The following NPFFR2 variants were observed in gnomAD, a reference collection of about 807,000 sequenced individuals.
NPFFR2 encodes the protein G-protein coupled receptor 74.
NPFFR2 carries 15 observed loss-of-function variants against 13.1 expected under a neutral mutation model. The ratio of observed to expected loss-of-function variants is 1.15; its 90% CI spans 0.77 to 1.76. The LOEUF is 1.76. NPFFR2 is among the 40% of genes most tolerant of loss of function. The pLI, the probability that NPFFR2 is intolerant of heterozygous loss-of-function variation, is 0.00. For synonymous variants in NPFFR2, 190 were observed against 175.7 expected (o/e 1.08, Z -0.65); for missense variants, 572 against 503.5 (o/e 1.14, Z -1.30).
At chr4:72,146,246 G>T (rs1272495417) in intron 3 of NPFFR2, among the ~76,000 whole-genome samples, 2 of 152,078 alleles carry the variant, frequency 1.3e-5, no homozygotes, top group South Asian at 4.1e-4. Context: ...AGCTAAACTG[G>T]GGCTGGAACA....
intron 1 of NPFFR2, among the ~76,000 whole-genome samples, chr4:72,066,833 GTAC>G (rs1479066253): frequency 6.6e-6 from 1 of 152,160 alleles, no homozygotes; most frequent in Non-Finnish European, 1.5e-5. Context: ...TTTACTGAGT[GTAC>G]CCCAAGCAGC....
chr4:72,077,011 ATCTTAT>A (rs922231099), intron 1 of NPFFR2, among the ~76,000 whole-genome samples: 2 of 152,142 alleles, frequency 1.3e-5, no homozygotes, highest in Admixed American at 6.6e-5. Context: ...AATTAATTTT[ATCTTAT>A]TCTTATTTTC....
intron 1 of NPFFR2, among the ~76,000 whole-genome samples, chr4:72,097,248 A>C (rs1003108305): frequency 4.6e-5 from 7 of 152,124 alleles, no homozygotes; most frequent in Non-Finnish European, 1.0e-4. Context: ...TTTTGTGGCT[A>C]TAATATATTA....
intron 1 of NPFFR2, among the ~76,000 whole-genome samples, chr4:72,123,837 C>G (rs1721962310): frequency 6.6e-6 from 1 of 152,114 alleles, no homozygotes; most frequent in Admixed American, 6.5e-5. Flanking sequence ...GGAAGCATTG[C>G]CTTTGAAAAC....
intron 1 of NPFFR2, among the ~76,000 whole-genome samples, chr4:72,077,237 AC>A (rs1223677057): frequency 6.6e-6 from 1 of 152,032 alleles, no homozygotes; most frequent in Non-Finnish European, 1.5e-5. Flanking sequence ...TGTACATTAC[AC>A]TGGATATATT....
At chr4:72,128,996 T>A in intron 2 of NPFFR2, 77 bp downstream of exon 2, 1 of 1,089,084 alleles carries the variant, frequency 9.2e-7, no homozygotes, top group Non-Finnish European at 1.3e-6. Context: ...GCAGGGCTGT[T>A]CATTCATTCA....
chr4:72,144,204 C>T (rs1450827691), intron 3 of NPFFR2, among the ~76,000 whole-genome samples: 1 of 151,718 alleles, frequency 6.6e-6, no homozygotes, highest in Non-Finnish European at 1.5e-5. Context: ...ATGTGGGGGC[C>T]TAAGAGAGCT....
At position 72,147,767 on chromosome 4, in the gene NPFFR2, A is replaced by C. The variant is rs968319226; in HGVS notation, c.1218A>C (p.Leu406Phe). Residue 406 changes from leucine to phenylalanine, a missense_variant, in exon 4 of 4, where the codon TTA (leucine) becomes TTC (phenylalanine). Transcript: ENST00000308744. ...GTGCTGAAAAACCCCAACAGGAATTAGTGATGGAAGAATTAAAAGAAACTA... is the reference window on the plus strand; with the variant it reads ...GTGCTGAAAAACCCCAACAGGAATTCGTGATGGAAGAATTAAAAGAAACTA... ...RKSAEKPQQE[L>F]VMEELKETTN... 13 of 1,587,326 alleles carry C rather than the reference A, an allele frequency of 8.2e-6. No homozygotes were observed. Among genetic ancestry groups the C allele is most frequent in the Non-Finnish European group, 1.1e-5 (13 of 1,173,328 alleles).
Position 72,128,819 on chromosome 4 carries a change from GCACA to G in NPFFR2, c.231_234del (p.His77GlnfsTer8), listed in dbSNP as rs1560420141. The G allele has an allele frequency of 6.2e-7, 1 of 1,614,008 alleles. No homozygotes were observed. Among genetic ancestry groups the G allele is most frequent in the East Asian group, 2.2e-5 (1 of 44,864 alleles). ...TTATTGTAATGAGGAACAAACATATGCACACAGTCACTAATCTCTTCATCTTAAA... is the reference window on the plus strand; with the variant it reads ...TTATTGTAATGAGGAACAAACATATGCAGTCACTAATCTCTTCATCTTAAA... On this transcript the variant is annotated frameshift_variant, in exon 2 of 4. Transcript: ENST00000308744. LOFTEE classifies it high-confidence loss of function.
chr4:72,095,100 T>A (rs1254534048), intron 1 of NPFFR2, among the ~76,000 whole-genome samples: 1 of 152,052 alleles, frequency 6.6e-6, no homozygotes, highest in Non-Finnish European at 1.5e-5. Flanking sequence ...CGTTAATGAA[T>A]TTTTTTTGAA....
chr4:72,081,841 T>G (rs563858516), intron 1 of NPFFR2, among the ~76,000 whole-genome samples: 1 of 152,308 alleles, frequency 6.6e-6, no homozygotes, highest in African/African-American at 2.4e-5. Flanking sequence ...TAAAAAGTTT[T>G]ACAGAGGTTT....
At chr4:72,100,929 G>A (rs1280582682) in intron 1 of NPFFR2, among the ~76,000 whole-genome samples, 1 of 151,936 alleles carries the variant, frequency 6.6e-6, no homozygotes, top group Non-Finnish European at 1.5e-5. Flanking sequence ...GGTATAGGAA[G>A]TATCTTTCTA....
chr4:72,054,710 T>C (rs1001785425), intron 1 of NPFFR2, among the ~76,000 whole-genome samples: 2 of 151,760 alleles, frequency 1.3e-5, no homozygotes, highest in African/African-American at 4.8e-5. Flanking sequence ...AACCACAGAA[T>C]GGGAGAAAAT....
At chr4:72,084,630 G>C (rs1347161055) in intron 1 of NPFFR2, among the ~76,000 whole-genome samples, 1 of 152,122 alleles carries the variant, frequency 6.6e-6, no homozygotes, top group African/African-American at 2.4e-5. Context: ...TTCAGCAACA[G>C]CTGTGGTGAA....
chr4:72,103,616 G>A (rs1428251081), intron 1 of NPFFR2, among the ~76,000 whole-genome samples: 1 of 151,928 alleles, frequency 6.6e-6, no homozygotes. Context: ...GTCCAATATT[G>A]CTAATTTAAA....
At chr4:72,135,498 T>G (rs1722381249) in intron 2 of NPFFR2, among the ~76,000 whole-genome samples, 1 of 152,114 alleles carries the variant, frequency 6.6e-6, no homozygotes, top group Non-Finnish European at 1.5e-5. Context: ...AACTTTATGT[T>G]GAACTCCTCA....
chr4:72,136,923 CT>C lies in NPFFR2; in HGVS notation c.329-1116del, dbSNP rs575176385. ...GCACTTTAATTTCTAAGGATTTATG[CT>C]CTTTTATCCTACACCTATCATTTCA... On this transcript the variant is annotated intron_variant, in intron 2 of 3. Transcript: ENST00000308744. Among the ~76,000 whole-genome samples the C allele has an allele frequency of 5.7e-4, 87 of 152,160 alleles. 2 individuals are homozygous for C. Among genetic ancestry groups the C allele is most frequent in the Non-Finnish European group, 1.6e-4 (11 of 68,016 alleles).
At chr4:72,044,658 AT>A (rs1230575335) in intron 1 of NPFFR2, among the ~76,000 whole-genome samples, 3 of 151,002 alleles carry the variant, frequency 2.0e-5, no homozygotes, top group Non-Finnish European at 4.4e-5. Flanking sequence ...GATGTTGAGA[AT>A]TTTTTTTCAT....
At chr4:72,126,934 C>A (rs1186777084) in intron 1 of NPFFR2, among the ~76,000 whole-genome samples, 1 of 152,090 alleles carries the variant, frequency 6.6e-6, no homozygotes, top group Non-Finnish European at 1.5e-5. Flanking sequence ...AGTGTGAATG[C>A]ATTATATGCT....
Sources: gnomAD v4.1 joint callset for allele counts (sites outside exome capture counted in the v4.1 genomes callset) on GRCh38, gnomAD v4.1.1 for gene constraint, MANE v1.5 for transcripts, NCBI Gene and HGNC (gene_info 2026-07-23, HGNC 2026-07-21) for gene names.